MAK: variants seen among roughly 807,000 people sequenced by gnomAD.
MAK encodes male germ cell associated kinase.
A neutral mutation model predicts 82.6 loss-of-function variants in MAK; 65 were observed. The ratio of observed to expected loss-of-function variants is 0.79; its 90% confidence interval spans 0.64 to 0.97. MAK has a LOEUF of 0.97. MAK is among the 50% of genes least tolerant of loss of function. MAK has a pLI of 0.00. For synonymous variants in MAK, 250 were observed against 274.2 expected, an observed-to-expected ratio of 0.91 and a Z score of 0.87; for missense variants, 703 against 780.2, an observed-to-expected ratio of 0.90 and a Z score of 1.18.
chr6:10,784,722 A>G, intron 10 of MAK, 150 bp from the exon 11 acceptor site: 1 of 735,872 alleles, frequency 1.4e-6, no homozygotes, highest in Non-Finnish European at 2.4e-6. Flanking sequence ...TGGCTAAGTG[A>G]CAACTTCCCC....
intron 1 of MAK, among the ~76,000 whole-genome samples, chr6:10,832,361 A>T (rs949520899): frequency 6.6e-6 from 1 of 152,262 alleles, no homozygotes; most frequent in African/African-American, 2.4e-5. Flanking sequence ...AAGAAGTTCT[A>T]CTGTAAGTAA....
intron 5 of MAK, among the ~76,000 whole-genome samples, chr6:10,811,869 C>G (rs1581733726): frequency 6.6e-6 from 1 of 151,968 alleles, no homozygotes; most frequent in South Asian, 2.1e-4. Flanking sequence ...CAAATAATTC[C>G]TGTAGCAGTT....
At chr6:10,815,775 T>A (rs1305369695) in intron 4 of MAK, among the ~76,000 whole-genome samples, 1 of 151,806 alleles carries the variant, frequency 6.6e-6, no homozygotes, top group African/African-American at 2.4e-5. Context: ...AAATTATTAA[T>A]AAATTTGTTT....
At chr6:10,794,994 A>AAATAATAAT (rs61082229) in intron 9 of MAK, among the ~76,000 whole-genome samples, 13 of 150,502 alleles carry the variant, frequency 8.6e-5, no homozygotes, top group African/African-American at 2.0e-4. Context: ...CTCTGTCTCA[A>AAATAATAAT]AATAATAATA....
chr6:10,784,023 AAAACAAAAAAACAAAC>A (rs1292204923), intron 11 of MAK, among the ~76,000 whole-genome samples: 1 of 152,198 alleles, frequency 6.6e-6, no homozygotes, highest in African/African-American at 2.4e-5. Context: ...TGTCTCAAAA[AAAACAAAAAAACAAAC>A]AAACAAAAAA....
At chr6:10,833,144 T>C (rs1231280873) in intron 1 of MAK, among the ~76,000 whole-genome samples, 1 of 152,224 alleles carries the variant, frequency 6.6e-6, no homozygotes, top group Non-Finnish European at 1.5e-5. Context: ...CACGTTATAG[T>C]TGTCAAAATA....
chr6:10,803,801 A>G lies in MAK; in HGVS notation c.582T>C (p.Tyr194=). The change falls in exon 7 of 15, where the codon TAT becomes TAC. Residue 194 remains tyrosine (Y), a synonymous_variant. Coordinates refer to ENST00000354489, the MANE Select transcript of MAK (RefSeq NM_001242957.3). ...WAVGSIMAEL[Y]MLRPLFPGTS... ...TCCCTGGGAAAAGTGGCCTTAACAT[A>G]TAGAGTTCAGCCATGATACTTCCAA... 1 of 1,614,084 alleles carries G rather than the reference A, an allele frequency of 6.2e-7. No homozygotes were observed.
chr6:10,777,226 G>A (rs922337385), intron 11 of MAK, among the ~76,000 whole-genome samples: 1 of 151,948 alleles, frequency 6.6e-6, no homozygotes, highest in Admixed American at 6.6e-5. Flanking sequence ...GGCCAACATG[G>A]TGAGACCCTG....
At chr6:10,765,265 G>C (rs1235511010) in intron 14 of MAK, among the ~76,000 whole-genome samples, 1 of 152,008 alleles carries the variant, frequency 6.6e-6, no homozygotes, top group Non-Finnish European at 1.5e-5. Context: ...CCACAGTGTT[G>C]GTGACTTTGT....
chr6:10,777,930 G>A (rs1246398638), intron 11 of MAK, among the ~76,000 whole-genome samples: 1 of 152,096 alleles, frequency 6.6e-6, no homozygotes, highest in African/African-American at 2.4e-5. Context: ...GAGCCACCTC[G>A]CCTGGCCTCA....
At chr6:10,765,552 C>T (rs1331800791) in intron 14 of MAK, among the ~76,000 whole-genome samples, 3 of 151,162 alleles carry the variant, frequency 2.0e-5, no homozygotes, top group Admixed American at 6.6e-5. Flanking sequence ...CTCCACCTCC[C>T]GGGTTCAAGT....
intron 11 of MAK, among the ~76,000 whole-genome samples, chr6:10,780,014 A>G (rs1773821688): frequency 6.6e-6 from 1 of 152,094 alleles, no homozygotes; most frequent in Non-Finnish European, 1.5e-5. Flanking sequence ...TCAGGTTTCT[A>G]TCCTCTGCAT....
At chr6:10,775,227 A>C in intron 12 of MAK, 101 bp downstream of exon 12, 1 of 1,391,712 alleles carries the variant, frequency 7.2e-7, no homozygotes, top group Non-Finnish European at 1.0e-6. Context: ...GTATCTCCCA[A>C]GTGCACATGT....
intron 5 of MAK, among the ~76,000 whole-genome samples, chr6:10,811,359 G>A (rs1776918409): frequency 6.6e-6 from 1 of 152,278 alleles, no homozygotes; most frequent in African/African-American, 2.4e-5. Context: ...TTAGCAGCAA[G>A]AATTATGTGG....
intron 1 of MAK, among the ~76,000 whole-genome samples, chr6:10,833,375 C>A (rs1030703239): frequency 2.6e-5 from 4 of 152,120 alleles, no homozygotes; most frequent in Non-Finnish European, 4.4e-5. Flanking sequence ...GAGGCCAAGA[C>A]GGGTGGATCA....
intron 6 of MAK, 25 bp from the exon 7 acceptor site, chr6:10,803,916 G>A: frequency 6.2e-7 from 1 of 1,608,572 alleles, no homozygotes; most frequent in South Asian, 1.1e-5. Context: ...AACAAAAGAG[G>A]TAATTTTGAT....
chr6:10,822,894 C>CT (rs1439287377), intron 2 of MAK, among the ~76,000 whole-genome samples: 7 of 152,084 alleles, frequency 4.6e-5, no homozygotes, highest in Non-Finnish European at 1.0e-4. Flanking sequence ...AAGTAAATAA[C>CT]TTTTTTTAAA....
At position 10,803,869 on chromosome 6, in the gene MAK, G is replaced by C; in HGVS notation, c.514C>G (p.Leu172Val). 1.2e-6 allele frequency: 2 copies of C among 1,614,058 alleles called. No homozygotes were observed. The highest frequency in any genetic ancestry group is 2.7e-5 in the African/African-American group (2 of 75,056). The change falls in exon 7 of 15, where the codon CTG (leucine) becomes GTG (valine). Residue 172 changes from leucine to valine, a missense_variant. Physicochemically the swap from Leu to Val is conservative, Grantham distance 32. Coordinates refer to ENST00000354489, the MANE Select transcript of MAK (RefSeq NM_001242957.3). ...TRWYRAPEVL[L>V]RSSVYSSPID... Reference sequence around the variant, plus strand: ...GGAGAACTATAAACTGAAGATCTCAGTAAAACTTCAGGGGCACGATACCTA... The same window carrying C: ...GGAGAACTATAAACTGAAGATCTCACTAAAACTTCAGGGGCACGATACCTA...
At chr6:10,777,566 C>CT (rs538952405) in intron 11 of MAK, among the ~76,000 whole-genome samples, 8 of 59,556 alleles carry the variant, frequency 1.3e-4, no homozygotes, top group Non-Finnish European at 2.0e-4. Flanking sequence ...CCTAAATAGG[C>CT]TTTTTTTTTA....
Sources: gnomAD v4.1 joint callset for allele counts (sites outside exome capture counted in the v4.1 genomes callset) on GRCh38, gnomAD v4.1.1 for gene constraint, MANE v1.5 for transcripts, NCBI Gene and HGNC (gene_info 2026-07-23, HGNC 2026-07-21) for gene names.